Variants in NIN observed in about 807,000 individuals in gnomAD.
NIN encodes glycogen synthase kinase 3 beta-interacting protein.
Under a neutral mutation model 257.6 loss-of-function variants are expected in NIN, and 137 were observed. The ratio of observed to expected loss-of-function variants is 0.53; its 90% confidence interval spans 0.46 to 0.61. NIN has a LOEUF of 0.61. Ranked by LOEUF, NIN falls within the 20% of genes least tolerant of loss-of-function variation. The pLI is 0.00. For synonymous variants in NIN, 918 were observed against 919.8 expected (o/e 1.00, Z 0.04); for missense variants, 2,439 against 2,501.2 (o/e 0.98, Z 0.53).
intron 5 of NIN, chr14:50,792,472 T>C (rs2043638833): frequency 7.9e-6 from 4 of 504,462 alleles, no homozygotes; most frequent in Non-Finnish European, 1.1e-5. Flanking sequence ...GAACTCTAAA[T>C]GTGTACATGA....
rs754174010 is a variant in NIN, at chr14:50,756,612, G to A, written c.4418C>T (p.Thr1473Ile). ...TACATCTTTTTGCTTAACTAAAATAGTGACTCTCTCCTTCAACTTCCTAGT... is the reference window on the plus strand; with the variant it reads ...TACATCTTTTTGCTTAACTAAAATAATGACTCTCTCCTTCAACTTCCTAGT... ...ELTRKLKERV[T>I]ILVKQKDVLS... The change falls in exon 18 of 31, where the codon ACT becomes ATT. Residue 1473 changes from threonine (T) to isoleucine (I), a missense_variant. This residue lies in a region of NIN where 2,043 missense variants were observed against 2,050.2 expected (regional missense o/e 1.00). Coordinates refer to ENST00000530997, the MANE Select transcript of NIN (RefSeq NM_020921.4). 4.0e-5 allele frequency: 63 copies of A among 1,578,640 alleles called. No individual in the cohort carries two copies. The highest frequency in any genetic ancestry group is 5.2e-5 in the Non-Finnish European group (60 of 1,160,012).
intron 3 of NIN, among the ~76,000 whole-genome samples, chr14:50,820,682 G>A (rs889275481): frequency 6.6e-6 from 1 of 152,136 alleles, no homozygotes; most frequent in Non-Finnish European, 1.5e-5. Context: ...GGGACCACAT[G>A]TATGTAGAGA....
At chr14:50,742,048 G>A (rs1272913660) in intron 24 of NIN, 9 of 238,542 alleles carry the variant, frequency 3.8e-5, no homozygotes, top group Non-Finnish European at 5.7e-5. Flanking sequence ...GAATTTTGTA[G>A]AAATTGTTTT....
At chr14:50,795,785 T>C (rs138099509) in intron 4 of NIN, among the ~76,000 whole-genome samples, 8 of 152,258 alleles carry the variant, frequency 5.3e-5, no homozygotes, top group Non-Finnish European at 1.0e-4. Flanking sequence ...GGACATGAAA[T>C]GCCTGGCCAA....
intron 27 of NIN, among the ~76,000 whole-genome samples, chr14:50,736,110 A>C (rs1364715110): frequency 6.6e-6 from 1 of 152,052 alleles, no homozygotes; most frequent in Non-Finnish European, 1.5e-5. Context: ...GATTTATATA[A>C]CTTTTTAATT....
intron 14 of NIN, among the ~76,000 whole-genome samples, chr14:50,764,469 G>GGTTACCATA (rs2042395342): frequency 6.6e-6 from 1 of 152,018 alleles, no homozygotes; most frequent in African/African-American, 2.4e-5. Flanking sequence ...TTAAACATAG[G>GGTTACCATA]GTTACCATAC....
chr14:50,737,447 C>T (rs1485619496), intron 27 of NIN, among the ~76,000 whole-genome samples: 2 of 135,420 alleles, frequency 1.5e-5, no homozygotes, highest in Admixed American at 1.6e-4. Flanking sequence ...CTTCTGAAAT[C>T]CTGACTTGCA....
intron 13 of NIN, 128 bp from the exon 14 acceptor site, chr14:50,766,524 G>A (rs1409053874): frequency 1.4e-5 from 11 of 794,312 alleles, no homozygotes; most frequent in African/African-American, 6.8e-5. Context: ...ATGTAAGCAC[G>A]AACAACACCA....
In NIN at chr14:50,766,035, T is replaced by C. The variant is rs138548541; in HGVS notation, c.1635+272A>G. On this transcript the variant is annotated intron_variant, in intron 14 of 30. Transcript: ENST00000530997. ...CCACAACAGTCCCCAGAGTGTAATA[T>C]TCCCCTTCCTGTGTCCATGTGAATA... 7.6e-4 allele frequency among the ~76,000 whole-genome samples: 95 copies of C among 124,662 alleles called. 1 individual carries two copies. The highest frequency in any genetic ancestry group is 2.8e-3 in the African/African-American group (94 of 33,882). The allele number at this position is 124,662 out of a possible 152,430, so 81.8% of individuals were successfully genotyped here.
At chr14:50,769,009 T>C (rs1263619289) in intron 12 of NIN, among the ~76,000 whole-genome samples, 3 of 152,168 alleles carry the variant, frequency 2.0e-5, no homozygotes, top group African/African-American at 7.2e-5. Flanking sequence ...ATGGTGTTGA[T>C]GTTGATTGGG....
At chr14:50,746,836 C>T (rs1322753929) in intron 22 of NIN, among the ~76,000 whole-genome samples, 1 of 152,118 alleles carries the variant, frequency 6.6e-6, no homozygotes, top group African/African-American at 2.4e-5. Context: ...TTCATATTTT[C>T]ATATTTAAAA....
rs760576002 is a variant in NIN at position 50,744,225 on chromosome 14, T to A, written c.5187+18A>T. The A allele has an allele frequency of 9.9e-6, 16 of 1,612,186 alleles. No homozygotes were observed. Among genetic ancestry groups the A allele is most frequent in the Non-Finnish European group, 1.4e-5 (16 of 1,178,920 alleles). ...TGTATTGTATACGATGATGGTAAAG[T>A]CTTATTACTTCTACTACCTTATCGA... is the stretch of plus-strand genomic sequence containing the variant. On this transcript the variant is annotated intron_variant, in intron 23 of 30. Coordinates refer to ENST00000530997, the MANE Select transcript of NIN (RefSeq NM_020921.4).
At position 50,831,062 on chromosome 14, in the gene NIN, C is replaced by G. The variant is rs2045684413; in HGVS notation, c.-132G>C. 1 of 150,356 alleles carries G rather than the reference C, an allele frequency of 6.7e-6. No homozygotes were observed. The highest frequency in any genetic ancestry group is 1.5e-5 in the Non-Finnish European group (1 of 67,502). The allele number at this position is 150,356 out of a possible 1,614,324, so 9.3% of individuals were successfully genotyped here. A position where few individuals can be genotyped will look rare whatever the true frequency, so the allele number is the denominator to read the frequency against. The stretch of plus-strand genomic sequence containing the variant: ...CGCGGGAACCATGGCCGCTGGCGCA[C>G]TCCGGGCTTGGCGGCGGCAGCGGGA... On this transcript the variant is annotated 5_prime_UTR_variant, in exon 1 of 31. Coordinates refer to ENST00000530997, the MANE Select transcript of NIN (RefSeq NM_020921.4).
intron 3 of NIN, among the ~76,000 whole-genome samples, chr14:50,814,696 T>C (rs1175325991): frequency 6.6e-6 from 1 of 152,114 alleles, no homozygotes; most frequent in African/African-American, 2.4e-5. Context: ...AACAGACACA[T>C]AGACCAACAG....
intron 25 of NIN, among the ~76,000 whole-genome samples, chr14:50,739,832 C>G (rs1045768670): frequency 6.6e-6 from 1 of 152,172 alleles, no homozygotes. Context: ...TTCATTCTTA[C>G]GAAGTTATCT....
chr14:50,726,086 A>G lies in NIN; in HGVS notation c.6079-20T>C, dbSNP rs1317842969. The G allele has an allele frequency of 9.5e-6, 15 of 1,579,028 alleles. No individual in the cohort carries two copies. Among genetic ancestry groups the G allele is most frequent in the Non-Finnish European group, 1.2e-5 (14 of 1,150,996 alleles). On this transcript the variant is annotated intron_variant, in intron 29 of 30. Transcript: ENST00000530997. ...GTTTCCCTGAAGGGAAGAAAAGTAT[A>G]TTATTCGAAAATCATGTCACACTGA...
chr14:50,817,796 A>G (rs2044982224), intron 3 of NIN, among the ~76,000 whole-genome samples: 1 of 152,166 alleles, frequency 6.6e-6, no homozygotes, highest in Non-Finnish European at 1.5e-5. Context: ...GCCCACTGCA[A>G]CCTTTGTCTC....
intron 2 of NIN, among the ~76,000 whole-genome samples, chr14:50,829,159 A>G (rs2045590795): frequency 6.6e-6 from 1 of 152,190 alleles, no homozygotes; most frequent in Admixed American, 6.5e-5. Flanking sequence ...CGGGCAGTTC[A>G]CATCACCTCC....
intron 10 of NIN, 125 bp downstream of exon 10, chr14:50,771,207 G>T: frequency 8.2e-7 from 1 of 1,224,452 alleles, no homozygotes; most frequent in Non-Finnish European, 1.1e-6. Flanking sequence ...GATGTGTGCA[G>T]CAGTTGGATA....
Sources: allele counts gnomAD v4.1 joint callset (sites outside exome capture counted in the v4.1 genomes callset), GRCh38; gene constraint gnomAD v4.1.1; regional missense constraint gnomAD v4.1.1; transcripts MANE v1.5; gene names NCBI Gene and HGNC (gene_info 2026-07-23, HGNC 2026-07-21).